The following EDN3 variants were observed in gnomAD, a reference collection of about 807,000 sequenced individuals.
EDN3 encodes the protein endothelin 3, also known as endothelin-3.
In EDN3, 9 loss-of-function variants were observed where a neutral mutation model predicts 21.4. The ratio of observed to expected loss-of-function variants is 0.42; its 90% CI spans 0.25 to 0.73. EDN3 has a LOEUF of 0.73. Ranked by LOEUF, EDN3 falls within the 30% of genes least tolerant of loss-of-function variation. The pLI is 0.26. For synonymous variants in EDN3, 133 were observed against 126.2 expected (o/e 1.05, Z -0.36); for missense variants, 327 against 309.4 (o/e 1.06, Z -0.43).
intron 2 of EDN3, among the ~76,000 whole-genome samples, chr20:59,308,307 C>A (rs1012650043): frequency 6.6e-6 from 1 of 152,178 alleles, no homozygotes; most frequent in African/African-American, 2.4e-5. Context: ...CTTGTTCTGT[C>A]TTCTTGCTTC....
In EDN3 at chr20:59,322,579, G is replaced by A; in HGVS notation, c.588+162G>A. The A allele has an allele frequency of 1.0e-6, 1 of 980,304 alleles. No individual in the cohort carries two copies. Among genetic ancestry groups the A allele is most frequent in the East Asian group, 2.6e-5 (1 of 38,316 alleles). The allele number at this position is 980,304 out of a possible 1,614,324, so 60.7% of individuals were successfully genotyped here. Reference sequence around the variant, plus strand: ...TGCACCCACAAGCAATGGTGCCTTTGGTGGACCGTTTCTGGGGGCAGAGCG... The same window carrying A: ...TGCACCCACAAGCAATGGTGCCTTTAGTGGACCGTTTCTGGGGGCAGAGCG... On this transcript the variant is annotated intron_variant, in intron 4 of 4. Transcript: ENST00000337938. This position sits in a 1 kb window ranked among gnomAD's most constrained non-coding sequence, Gnocchi z 4.1.
At chr20:59,308,375 C>T (rs116884627) in intron 2 of EDN3, among the ~76,000 whole-genome samples, 1,910 of 152,326 alleles carry the variant, frequency 0.013, 21 homozygotes, top group Non-Finnish European at 0.02. Flanking sequence ...AAATCCATCT[C>T]TTCTTGCAGA....
chr20:59,313,947 A>G (rs986394821), intron 2 of EDN3, among the ~76,000 whole-genome samples: 2 of 152,250 alleles, frequency 1.3e-5, no homozygotes, highest in Non-Finnish European at 2.9e-5. Flanking sequence ...GCAGACTTTC[A>G]TAAGCATTTG....
At chr20:59,319,401 A>G (rs2146873241) in intron 2 of EDN3, among the ~76,000 whole-genome samples, 1 of 152,268 alleles carries the variant, frequency 6.6e-6, no homozygotes, top group South Asian at 2.1e-4. Flanking sequence ...AAGAAATTCA[A>G]TTTGATTTTA....
At chr20:59,315,528 G>T (rs1404786710) in intron 2 of EDN3, among the ~76,000 whole-genome samples, 1 of 152,198 alleles carries the variant, frequency 6.6e-6, no homozygotes. Context: ...CACCAGCTGG[G>T]CTTTTTAAAT....
In EDN3 at chr20:59,324,681, G is replaced by A. The variant is rs1990745687; in HGVS notation, c.*222G>A. Reference sequence around the variant, plus strand: ...AAAATGATCCCAGATGTGCCCCAGAGCATGACGCCTGCAGCTCCGGTTTCA... The same window carrying A: ...AAAATGATCCCAGATGTGCCCCAGAACATGACGCCTGCAGCTCCGGTTTCA... On this transcript the variant is annotated 3_prime_UTR_variant, in exon 5 of 5. Coordinates refer to ENST00000337938, the MANE Select transcript of EDN3 (RefSeq NM_207034.3). 1.6e-6 allele frequency: 1 copy of A among 619,028 alleles called. No individual in the cohort carries two copies. Among genetic ancestry groups the A allele is most frequent in the Non-Finnish European group, 2.8e-6 (1 of 356,850 alleles). 38.3% of individuals were successfully genotyped at this position (619,028 alleles called of 1,614,324 possible). A position where few individuals can be genotyped will look rare whatever the true frequency, so the allele number is the denominator to read the frequency against.
chr20:59,317,711 AG>A (rs1990272204), intron 2 of EDN3, among the ~76,000 whole-genome samples: 1 of 152,178 alleles, frequency 6.6e-6, no homozygotes, highest in African/African-American at 2.4e-5. Flanking sequence ...CCACGTATAT[AG>A]TGGATGCTGA....
At position 59,324,632 on chromosome 20, in the gene EDN3, A is replaced by C; in HGVS notation, c.*173A>C. ...CCACGGCAAGAATGCCCAAATCCGA[A>C]TGACCCCAGTTTTCCTAATGAGTAA... On this transcript the variant is annotated 3_prime_UTR_variant, in exon 5 of 5. Transcript: ENST00000337938. 8.4e-6 allele frequency: 7 copies of C among 835,104 alleles called. No individual in the cohort carries two copies. The highest frequency in any genetic ancestry group is 1.1e-5 in the Non-Finnish European group (6 of 527,366). The allele number at this position is 835,104 out of a possible 1,614,324, so 51.7% of individuals were successfully genotyped here. A position where few individuals can be genotyped will look rare whatever the true frequency, so the allele number is the denominator to read the frequency against.
chr20:59,306,430 A>G (rs2146830902), intron 2 of EDN3, among the ~76,000 whole-genome samples: 1 of 152,152 alleles, frequency 6.6e-6, no homozygotes, highest in South Asian at 2.1e-4. Context: ...CAGCCGCTCC[A>G]GGACAGTGAG....
chr20:59,303,001 T>G lies in EDN3; in HGVS notation c.365+1279T>G, dbSNP rs889492965. Among the ~76,000 whole-genome samples, 3 of 152,164 alleles carry G rather than the reference T, an allele frequency of 2.0e-5. No homozygotes were observed. In the East Asian group the frequency reaches 5.8e-4, roughly 29 times the overall value. ...GACCTCTAATCACATCCATGATAGA[T>G]CTGGAACATCACCCCACCATGCTTG... On this transcript the variant is annotated intron_variant, in intron 2 of 4. Coordinates refer to ENST00000337938, the MANE Select transcript of EDN3 (RefSeq NM_207034.3).
At chr20:59,315,123 A>G (rs367886703) in intron 2 of EDN3, among the ~76,000 whole-genome samples, 1 of 152,262 alleles carries the variant, frequency 6.6e-6, no homozygotes, top group Non-Finnish European at 1.5e-5. Flanking sequence ...GCCCAGGCAG[A>G]CATTTCTAAG....
intron 2 of EDN3, among the ~76,000 whole-genome samples, chr20:59,302,805 A>G (rs994090927): frequency 2.0e-5 from 3 of 152,112 alleles, no homozygotes; most frequent in African/African-American, 7.2e-5. Flanking sequence ...AGCCGTCTTG[A>G]TTCAGGTTCC....
At position 59,321,076 on chromosome 20, in the gene EDN3, C is replaced by T. The variant is rs536097197; in HGVS notation, c.425C>T (p.Ala142Val). The T allele has an allele frequency of 2.1e-5, 34 of 1,614,206 alleles. No individual in the cohort carries two copies. In the South Asian group the frequency reaches 2.3e-4, roughly 11 times the overall value. ...GGAAGCTTCCGGGGCAAGAGGTCTG[C>T]GGGGCCACTTCCAGGGAATCTGCAG... is the stretch of plus-strand genomic sequence containing the variant. Reference protein sequence around the residue: ...YRGSFRGKRSAGPLPGNLQLS... With the variant: ...YRGSFRGKRSVGPLPGNLQLS... Residue 142 changes from alanine (A) to valine (V), a missense_variant, in exon 3 of 5, where the codon GCG becomes GTG. Coordinates refer to ENST00000337938, the MANE Select transcript of EDN3 (RefSeq NM_207034.3).
Position 59,305,961 on chromosome 20 carries a change from C to T in EDN3, c.365+4239C>T, listed in dbSNP as rs11570279. On this transcript the variant is annotated intron_variant, in intron 2 of 4. Transcript: ENST00000337938. The surrounding 1 kb of genome is among the most constrained non-coding windows in gnomAD (Gnocchi z 4.2). ...AGTTGACACCTAAAGTGACCCATAA[C>T]GGGGATGTCAGCTCGAACCACATTT... 0.015 allele frequency among the ~76,000 whole-genome samples: 2,297 copies of T among 152,288 alleles called. 68 individuals carry two copies. The highest frequency in any genetic ancestry group is 0.052 in the African/African-American group (2,154 of 41,540).
chr20:59,316,241 T>C (rs750518317), intron 2 of EDN3, among the ~76,000 whole-genome samples: 7 of 152,180 alleles, frequency 4.6e-5, no homozygotes, highest in Non-Finnish European at 7.3e-5. Context: ...AAAATGCCAA[T>C]TTGCTGACCT....
rs868107957 is a variant in EDN3, at chr20:59,301,574, G to C, written c.217G>C (p.Gly73Arg). 13 of 1,613,538 alleles carry C rather than the reference G, an allele frequency of 8.1e-6. No individual in the cohort carries two copies. Among genetic ancestry groups the C allele is most frequent in the Non-Finnish European group, 1.1e-5 (13 of 1,179,890 alleles). ...GACTGTGGCCCCGACAGCACTGCAG[G>C]GTCCAAGCCCTGGAAGCCCTGGGCA... ...EGTVAPTALQGPSPGSPGQEQ... is the reference protein window; with the variant it reads ...EGTVAPTALQRPSPGSPGQEQ... Residue 73 changes from glycine (G) to arginine (R), a missense_variant, in exon 2 of 5, where the codon GGT becomes CGT. Physicochemically the swap from Gly to Arg is moderately radical, Grantham distance 125. Coordinates refer to ENST00000337938, the MANE Select transcript of EDN3 (RefSeq NM_207034.3).
intron 2 of EDN3, among the ~76,000 whole-genome samples, chr20:59,307,129 A>C (rs1989487319): frequency 6.6e-6 from 1 of 152,128 alleles, no homozygotes; most frequent in South Asian, 2.1e-4. Flanking sequence ...TGGGTGACAG[A>C]CCAAGATTCC....
chr20:59,320,872 A>G, intron 2 of EDN3, 145 bp from the exon 3 acceptor site: 1 of 828,990 alleles, frequency 1.2e-6, no homozygotes, highest in South Asian at 1.5e-5. Flanking sequence ...AACCTTCCTA[A>G]GACCCAGAGC....
intron 2 of EDN3, among the ~76,000 whole-genome samples, chr20:59,319,316 G>A (rs6026808): frequency 6.6e-6 from 1 of 152,164 alleles, no homozygotes; most frequent in Non-Finnish European, 1.5e-5. Context: ...CCAAGCCTTA[G>A]GTCACTATGG....
Sources: allele counts gnomAD v4.1 joint callset (sites outside exome capture counted in the v4.1 genomes callset), GRCh38; gene constraint gnomAD v4.1.1; non-coding constraint Gnocchi (gnomAD v3.1); transcripts MANE v1.5; gene names NCBI Gene and HGNC (gene_info 2026-07-23, HGNC 2026-07-21).